The following GPR137 variants were observed in gnomAD, a reference collection of about 807,000 sequenced individuals.
The protein encoded by GPR137 is G protein-coupled receptor 137.
Under a neutral mutation model 38.9 loss-of-function variants are expected in GPR137, and 20 were observed. The observed-to-expected ratio is 0.51, with a 90% CI of 0.36 to 0.75. GPR137 has a LOEUF of 0.75. GPR137 is among the 30% of genes least tolerant of loss of function. The pLI is 0.00. For synonymous variants in GPR137, 226 were observed against 235.8 expected, an observed-to-expected ratio of 0.96 and a Z score of 0.38; for missense variants, 456 against 526.4, an observed-to-expected ratio of 0.87 and a Z score of 1.31.
rs1565356472 is a variant in GPR137 at position 64,285,946 on chromosome 11, C to A, written c.-579C>A. 1 of 966,732 alleles carries A rather than the reference C, an allele frequency of 1.0e-6. No individual in the cohort carries two copies. The highest frequency in any genetic ancestry group is 1.2e-6 in the Non-Finnish European group (1 of 812,984). The allele number at this position is 966,732 out of a possible 1,614,324, so 59.9% of individuals were successfully genotyped here. A position where few individuals can be genotyped will look rare whatever the true frequency, so the allele number is the denominator to read the frequency against. ...GGACCTGGCGTCCGCCTCCTCCCTC[C>A]CCTTGAGGCTGGAGCGTGGACGCGG... On this transcript the variant is annotated 5_prime_UTR_variant, in exon 1 of 7. Coordinates refer to ENST00000438980, the MANE Select transcript of GPR137 (RefSeq NM_001170880.2).
chr11:64,271,566 G>C (rs2032610787), upstream of GPR137: 12 of 1,366,764 alleles, frequency 8.8e-6, no homozygotes, highest in Non-Finnish European at 1.1e-5. Context: ...ACCGGCGGGG[G>C]GCGGCCTGGT....
upstream of GPR137, among the ~76,000 whole-genome samples, chr11:64,272,185 G>A (rs2032682322): frequency 6.6e-6 from 1 of 152,130 alleles, no homozygotes; most frequent in African/African-American, 2.4e-5. Flanking sequence ...TGGGCATAGT[G>A]GCACGTGCCT....
chr11:64,276,955 G>A (rs745537932), intron 2 of GPR137: 26 of 753,518 alleles, frequency 3.5e-5, no homozygotes, highest in Middle Eastern at 2.3e-4. Flanking sequence ...CGGCTGGGGC[G>A]GACATCCCTG....
At chr11:64,279,686 C>T (rs887379530), upstream of GPR137, among the ~76,000 whole-genome samples, 9 of 151,330 alleles carry the variant, frequency 5.9e-5, no homozygotes, top group African/African-American at 2.2e-4. Flanking sequence ...TGGCATGAAC[C>T]CAGGAGGTGG....
At chr11:64,280,509 G>A (rs1228698836), upstream of GPR137, among the ~76,000 whole-genome samples, 6 of 137,480 alleles carry the variant, frequency 4.4e-5, no homozygotes, top group African/African-American at 1.1e-4. Context: ...CCACCACCAC[G>A]CCCGGCTAAT....
upstream of GPR137, chr11:64,284,870 T>C (rs2033779074): frequency 6.8e-7 from 1 of 1,473,756 alleles, no homozygotes; most frequent in Non-Finnish European, 9.0e-7. Flanking sequence ...GGGGCTCACA[T>C]CCTCGCTGCC....
chr11:64,285,743 G>T, upstream of GPR137: 1 of 985,378 alleles, frequency 1.0e-6, no homozygotes, highest in Non-Finnish European at 1.2e-6. Flanking sequence ...GCCAATTCTC[G>T]TACGGTTTCA....
upstream of GPR137, among the ~76,000 whole-genome samples, chr11:64,270,901 A>T (rs974192353): frequency 4.0e-3 from 61 of 15,376 alleles, no homozygotes; most frequent in East Asian, 9.8e-3. Context: ...GCCCTGTGAG[A>T]CACACACACA....
At chr11:64,285,120 T>C (rs2033804324), upstream of GPR137, 5 of 1,020,624 alleles carry the variant, frequency 4.9e-6, no homozygotes, top group Non-Finnish European at 5.9e-6. Flanking sequence ...GATGTGATTA[T>C]TGTTGCTATT....
Position 64,286,273 on chromosome 11 carries a change from T to C in GPR137, c.-252T>C. 7.5e-7 allele frequency: 1 copy of C among 1,336,838 alleles called. No individual in the cohort carries two copies. The highest frequency in any genetic ancestry group is 9.6e-7 in the Non-Finnish European group (1 of 1,046,216). 82.8% of individuals were successfully genotyped at this position (1,336,838 alleles called of 1,614,324 possible). A position where few individuals can be genotyped will look rare whatever the true frequency, so the allele number is the denominator to read the frequency against. ...GGAGACACCCCCAACCCCTATCCGG[T>C]CTGTCCTGGAGAAAAGAGACTGCCC... On this transcript the variant is annotated 5_prime_UTR_variant, in exon 1 of 7. Coordinates refer to ENST00000438980, the MANE Select transcript of GPR137 (RefSeq NM_001170880.2).
In GPR137 at chr11:64,288,199, C is replaced by T. The variant is rs1239803011; in HGVS notation, c.768C>T (p.Tyr256=). The T allele has an allele frequency of 1.2e-6, 2 of 1,612,988 alleles. No individual in the cohort carries two copies. The highest frequency in any genetic ancestry group is 3.3e-5 in the Admixed American group (2 of 60,008). Residue 256 remains tyrosine (Y), a synonymous_variant, in exon 4 of 7, where the codon TAC becomes TAT. Coordinates refer to ENST00000438980, the MANE Select transcript of GPR137 (RefSeq NM_001170880.2). The surrounding 1 kb of genome is among the most constrained non-coding windows in gnomAD (Gnocchi z 5.5). ...SRLDTFDYDW[Y]NVSDQADLVN... is the part of the protein sequence containing the mutation. The stretch of plus-strand genomic sequence containing the variant: ...TGGACACCTTCGATTACGACTGGTA[C>T]AATGTGTCTGACCAGGTGGGCATAC...
upstream of GPR137, among the ~76,000 whole-genome samples, chr11:64,272,046 G>A (rs2032670520): frequency 6.6e-6 from 1 of 152,186 alleles, no homozygotes. Flanking sequence ...TGCCAATAAT[G>A]GGTGAGGCCC....
chr11:64,288,709 G>T lies in GPR137; in HGVS notation c.1019G>T (p.Gly340Val). The T allele has an allele frequency of 6.4e-7, 1 of 1,564,570 alleles. No homozygotes were observed. Residue 340 changes from glycine (G) to valine (V), a missense_variant, in exon 6 of 7, where the codon GGT becomes GTT. Gly to Val is a moderately radical substitution (Grantham distance 109). Coordinates refer to ENST00000438980, the MANE Select transcript of GPR137 (RefSeq NM_001170880.2). The surrounding 1 kb of genome is among the most constrained non-coding windows in gnomAD (Gnocchi z 5.5). ...DEGCSWEHSR[G>V]ESTSMSGSLG... ...GGCTGCTCCTGGGAGCACAGCCGGG[G>T]TGAGAGCACCAGGTAGGAGCCGTGG...
upstream of GPR137, chr11:64,284,683 C>T: frequency 1.3e-6 from 2 of 1,535,760 alleles, no homozygotes; most frequent in Non-Finnish European, 1.7e-6. Context: ...CCCTCCAGCA[C>T]CCCGGGCTCC....
chr11:64,271,674 GC>G, upstream of GPR137: 1 of 1,501,030 alleles, frequency 6.7e-7, no homozygotes, highest in Non-Finnish European at 8.9e-7. Flanking sequence ...GCGCTGTGCT[GC>G]CCAGAGGTTG....
upstream of GPR137, among the ~76,000 whole-genome samples, chr11:64,274,189 G>A (rs1233017134): frequency 6.7e-6 from 1 of 149,920 alleles, no homozygotes; most frequent in Admixed American, 6.7e-5. Context: ...TCAGGAGATC[G>A]AGACCATCCT....
Position 64,287,771 on chromosome 11 carries a change from TG to T in GPR137, c.459del (p.Asn154ThrfsTer25), listed in dbSNP as rs2034272498. 1 of 1,607,078 alleles carries T rather than the reference TG, an allele frequency of 6.2e-7. No individual in the cohort carries two copies. The highest frequency in any genetic ancestry group is 1.3e-5 in the African/African-American group (1 of 74,930). On this transcript the variant is annotated frameshift_variant, in exon 3 of 7. Transcript: ENST00000438980. LOFTEE classifies it high-confidence loss of function. ...FVGASLLFLL[V>X]NVLCAVLSHR... The stretch of plus-strand genomic sequence containing the variant: ...GGGGCCTCGCTGCTCTTTCTGCTGG[TG>T]AACGTGCTGTGTGCTGTGCTCTCCC...
upstream of GPR137, chr11:64,271,610 C>T: frequency 2.8e-6 from 4 of 1,440,040 alleles, no homozygotes; most frequent in Non-Finnish European, 3.7e-6. Context: ...GACTGGCGCT[C>T]ACCTTAAAGG....
At position 64,286,327 on chromosome 11, in the gene GPR137, G is replaced by A. The variant is rs2034044102; in HGVS notation, c.-198G>A. ...CATGCCCCTGAGTGAGGGGCCTGGG[G>A]CCCAGGCTGCCTGTGTTCCCCAAGG... On this transcript the variant is annotated 5_prime_UTR_variant, in exon 1 of 7. Transcript: ENST00000438980. 1 of 1,407,956 alleles carries A rather than the reference G, an allele frequency of 7.1e-7. No homozygotes were observed. 87.2% of individuals were successfully genotyped at this position (1,407,956 alleles called of 1,614,324 possible). A position where few individuals can be genotyped will look rare whatever the true frequency, so the allele number is the denominator to read the frequency against.
Sources: gnomAD v4.1 joint callset for allele counts (sites outside exome capture counted in the v4.1 genomes callset) on GRCh38, gnomAD v4.1.1 for gene constraint, Gnocchi (gnomAD v3.1) non-coding constraint, MANE v1.5 for transcripts, NCBI Gene and HGNC (gene_info 2026-07-23, HGNC 2026-07-21) for gene names.